Variants in LYRM1 observed in about 807,000 individuals in gnomAD.
The protein encoded by LYRM1 is LYR motif containing 1, also known as LYR motif-containing protein 1.
In LYRM1, 14 loss-of-function variants were observed where a neutral mutation model predicts 14.9. The ratio of observed to expected loss-of-function variants is 0.94; its 90% confidence interval spans 0.62 to 1.47. The LOEUF (loss-of-function observed/expected upper bound fraction) is 1.47. Among genes scored for constraint, LYRM1 ranks in the 40% most tolerant of loss-of-function variants. LYRM1 has a pLI of 0.00. For missense variants in LYRM1, 153 were observed against 149.9 expected, an observed-to-expected ratio of 1.02 and a Z score of -0.11; for synonymous variants, 43 against 56.2, an observed-to-expected ratio of 0.77 and a Z score of 1.05.
chr16:20,909,885 A>G (rs1455404119), intron 1 of LYRM1, among the ~76,000 whole-genome samples: 1 of 152,220 alleles, frequency 6.6e-6, no homozygotes, highest in Non-Finnish European at 1.5e-5. Flanking sequence ...GCAGTAAAGA[A>G]GATGAATGTG....
At chr16:20,900,118 C>G (rs1293287876), upstream of LYRM1, 5 of 144,582 alleles carry the variant, frequency 3.5e-5, no homozygotes, top group East Asian at 8.4e-4. Context: ...TTCCACCCCC[C>G]TTTCTCGAAG....
At chr16:20,916,417 T>G (rs529896678) in intron 2 of LYRM1, among the ~76,000 whole-genome samples, 8 of 152,166 alleles carry the variant, frequency 5.3e-5, no homozygotes, top group Non-Finnish European at 1.2e-4. Context: ...TCCTCACTGA[T>G]CTAATGGATT....
chr16:20,916,433 C>T (rs566292779), intron 2 of LYRM1, among the ~76,000 whole-genome samples: 3 of 152,280 alleles, frequency 2.0e-5, no homozygotes, highest in Non-Finnish European at 2.9e-5. Flanking sequence ...GGATTCAGCG[C>T]GGTCACTGCT....
intron 1 of LYRM1, among the ~76,000 whole-genome samples, chr16:20,904,691 T>TTTGTGTGTGTGTGTG (rs148224628): frequency 5.7e-5 from 8 of 141,148 alleles, no homozygotes; most frequent in African/African-American, 1.6e-4. Context: ...AAGTCTGTGG[T>TTTGTGTGTGTGTGTG]TGTGTGTGTG....
rs147943374 is a variant in LYRM1, at chr16:20,909,465, C to T, written c.1-6091C>T. ...GATAGACTTCGTGACCAGCTGAGAC[C>T]GCAGTTGAATTGTGGTCCTCTAAAC... On this transcript the variant is annotated intron_variant, in intron 1 of 3. Coordinates refer to ENST00000567954, the MANE Select transcript of LYRM1 (RefSeq NM_001128302.3). 2.0e-5 allele frequency among the ~76,000 whole-genome samples: 3 copies of T among 152,218 alleles called. No homozygotes were observed. In the East Asian group the frequency reaches 5.8e-4, roughly 29 times the overall value.
intron 1 of LYRM1, among the ~76,000 whole-genome samples, chr16:20,909,566 G>C (rs922096567): frequency 3.3e-5 from 5 of 152,184 alleles, no homozygotes; most frequent in Non-Finnish European, 5.9e-5. Context: ...CCCTGATGTA[G>C]TGAAGAAGGA....
In LYRM1 at chr16:20,924,661, T is replaced by C. The variant is rs974685506; in HGVS notation, c.*545T>C. On this transcript the variant is annotated 3_prime_UTR_variant, in exon 4 of 4. Transcript: ENST00000567954. ...GGATTGACCATGGTTTTTCATGAAATTTTATGAGATTTCTGCCTTAACAAA... is the reference window on the plus strand; with the variant it reads ...GGATTGACCATGGTTTTTCATGAAACTTTATGAGATTTCTGCCTTAACAAA... 1.3e-5 allele frequency: 2 copies of C among 152,354 alleles called. No individual in the cohort carries two copies. Among genetic ancestry groups the C allele is most frequent in the Non-Finnish European group, 2.9e-5 (2 of 68,148 alleles). 9.4% of individuals were successfully genotyped at this position (152,354 alleles called of 1,614,324 possible).
chr16:20,915,210 C>T (rs1184072414), intron 1 of LYRM1, among the ~76,000 whole-genome samples: 2 of 152,162 alleles, frequency 1.3e-5, no homozygotes, highest in Non-Finnish European at 2.9e-5. Flanking sequence ...CGGTGGCTCA[C>T]GCTTGTAATC....
chr16:20,905,422 T>G lies in LYRM1; in HGVS notation c.-1+4533T>G, dbSNP rs150850441. Among the ~76,000 whole-genome samples the G allele has an allele frequency of 2.9e-3, 438 of 152,334 alleles. 4 individuals are homozygous for G. The highest frequency in any genetic ancestry group is 0.01 in the African/African-American group (417 of 41,568). On this transcript the variant is annotated intron_variant, in intron 1 of 3. Coordinates refer to ENST00000567954, the MANE Select transcript of LYRM1 (RefSeq NM_001128302.3). The stretch of plus-strand genomic sequence containing the variant: ...ATAAATGTTCATTTATTTTGTATTA[T>G]ATCTGCTATTCCTTACAAATGGGAC...
chr16:20,900,463 G>C (rs150589892), upstream of LYRM1: 1 of 152,326 alleles, frequency 6.6e-6, no homozygotes, highest in African/African-American at 2.4e-5. Flanking sequence ...AGGGAGAATG[G>C]GAGAGGGGCA....
intron 2 of LYRM1, among the ~76,000 whole-genome samples, chr16:20,918,737 T>C (rs968763857): frequency 1.3e-5 from 2 of 152,116 alleles, no homozygotes; most frequent in East Asian, 1.9e-4. Flanking sequence ...AGTTTAATAA[T>C]CCAAAGGTAT....
chr16:20,921,060 A>G (rs1038360234), intron 3 of LYRM1, among the ~76,000 whole-genome samples: 7 of 152,098 alleles, frequency 4.6e-5, no homozygotes, highest in Non-Finnish European at 1.0e-4. Flanking sequence ...CATAAATTTA[A>G]AACAATAATT....
rs1297474236 is a variant in LYRM1 at position 20,901,934 on chromosome 16, G to A, written c.-1+1045G>A. 6.6e-6 allele frequency among the ~76,000 whole-genome samples: 1 copy of A among 152,172 alleles called. No homozygotes were observed. The highest frequency in any genetic ancestry group is 1.5e-5 in the Non-Finnish European group (1 of 68,032). On this transcript the variant is annotated intron_variant, in intron 1 of 3. Coordinates refer to ENST00000567954, the MANE Select transcript of LYRM1 (RefSeq NM_001128302.3). The surrounding 1 kb of genome is among the most constrained non-coding windows in gnomAD (Gnocchi z 4.6). ...AGGTCAGGAGATCGAGATCATCCTG[G>A]CCAACATGGTGAAACCCCATCTCTA... is the stretch of plus-strand genomic sequence containing the variant.
chr16:20,920,440 G>T, intron 3 of LYRM1: 1 of 493,890 alleles, frequency 2.0e-6, no homozygotes, highest in Non-Finnish European at 3.6e-6. Flanking sequence ...CGTATGGAAG[G>T]GAAAACCAGC....
At chr16:20,911,240 C>A (rs1436448213) in intron 1 of LYRM1, 1 of 152,078 alleles carries the variant, frequency 6.6e-6, no homozygotes, top group Non-Finnish European at 1.5e-5. Flanking sequence ...AAGAATAAAC[C>A]TCAAGAAACG....
chr16:20,914,277 C>CTTT (rs3054656), intron 1 of LYRM1, among the ~76,000 whole-genome samples: 3 of 109,296 alleles, frequency 2.7e-5, no homozygotes, highest in African/African-American at 3.5e-5. Flanking sequence ...ACAGTCGTCA[C>CTTT]TTTTTTTTTT....
intron 3 of LYRM1, 102 bp from the exon 4 acceptor site, chr16:20,923,898 G>A: frequency 1.5e-6 from 1 of 647,096 alleles, no homozygotes. Flanking sequence ...TGTAGATACA[G>A]CACTTAGCAG....
chr16:20,909,568 GAA>G (rs1449492507), intron 1 of LYRM1, among the ~76,000 whole-genome samples: 1 of 152,172 alleles, frequency 6.6e-6, no homozygotes, highest in Non-Finnish European at 1.5e-5. Flanking sequence ...CTGATGTAGT[GAA>G]GAAGGAAAAG....
At chr16:20,904,691 T>TTG (rs3841490) in intron 1 of LYRM1, among the ~76,000 whole-genome samples, 8,122 of 141,088 alleles carry the variant, frequency 0.058, 249 homozygotes, top group Middle Eastern at 0.076. Flanking sequence ...AAGTCTGTGG[T>TTG]TGTGTGTGTG....
Sources: allele counts gnomAD v4.1 joint callset (sites outside exome capture counted in the v4.1 genomes callset), GRCh38; gene constraint gnomAD v4.1.1; non-coding constraint Gnocchi (gnomAD v3.1); transcripts MANE v1.5; gene names NCBI Gene and HGNC (gene_info 2026-07-23, HGNC 2026-07-21).